TNKS: variants seen among roughly 807,000 people sequenced by gnomAD.
TNKS encodes tankyrase.
A neutral mutation model predicts 135.8 loss-of-function variants in TNKS; 72 were observed. The ratio of observed to expected loss-of-function variants is 0.53; its 90% confidence interval spans 0.44 to 0.64. The LOEUF is 0.64. Among genes scored for constraint, TNKS ranks in the 30% least tolerant of loss-of-function variants. TNKS has a pLI of 0.00. For synonymous variants in TNKS, 849 were observed against 649.3 expected, an observed-to-expected ratio of 1.31 and a Z score of -4.68; for missense variants, 1,769 against 1,674.0, an observed-to-expected ratio of 1.06 and a Z score of -0.99.
At chr8:9,696,402 T>G (rs1170210529) in intron 5 of TNKS, among the ~76,000 whole-genome samples, 1 of 151,980 alleles carries the variant, frequency 6.6e-6, no homozygotes, top group Non-Finnish European at 1.5e-5. Flanking sequence ...TAAGGACTGA[T>G]AAATGACCAC....
At chr8:9,684,492 TTCCAAAA>T (rs1802906045) in intron 5 of TNKS, among the ~76,000 whole-genome samples, 1 of 152,090 alleles carries the variant, frequency 6.6e-6, no homozygotes, top group Non-Finnish European at 1.5e-5. Context: ...CTTTATCCCC[TTCCAAAA>T]TAAATGTCCA....
intron 20 of TNKS, 101 bp downstream of exon 20, chr8:9,752,727 G>A (rs1052600192): frequency 1.3e-6 from 1 of 750,442 alleles, no homozygotes; most frequent in South Asian, 2.1e-5. Context: ...GAATGCTTCG[G>A]CAGGATTGCT....
chr8:9,758,655 C>T (rs1806977383), intron 20 of TNKS, among the ~76,000 whole-genome samples: 4 of 152,206 alleles, frequency 2.6e-5, no homozygotes, highest in Admixed American at 2.0e-4. Flanking sequence ...AACAGGTCTG[C>T]AGTCTCACCT....
chr8:9,649,878 C>CTTTTTTTTTTTTTTTTTTTTTT (rs71201959), intron 3 of TNKS, among the ~76,000 whole-genome samples: 6 of 83,364 alleles, frequency 7.2e-5, no homozygotes, highest in African/African-American at 3.2e-4. Context: ...CTTTTCTTTT[C>CTTTTTTTTTTTTTTTTTTTTTT]TTTTTTTTTT....
At chr8:9,651,029 C>T (rs1363791059) in intron 3 of TNKS, among the ~76,000 whole-genome samples, 1 of 107,132 alleles carries the variant, frequency 9.3e-6, no homozygotes, top group East Asian at 2.9e-4. Context: ...TCATTCTTTA[C>T]ATGTGCCTTG....
At chr8:9,717,103 T>TATATATATATATATATATATATA (rs1554476739) in intron 11 of TNKS, among the ~76,000 whole-genome samples, 8 of 39,312 alleles carry the variant, frequency 2.0e-4, no homozygotes, top group African/African-American at 3.2e-4. Flanking sequence ...ATATATATAT[T>TATATATATATATATATATATATA]TTCAGGGAAT....
chr8:9,658,334 C>G (rs1291193359), intron 3 of TNKS: 1 of 1,004,936 alleles, frequency 1.0e-6, no homozygotes, highest in Non-Finnish European at 1.3e-6. Flanking sequence ...TCCGCTCCTC[C>G]AGCCGCTGCC....
chr8:9,749,858 G>T (rs575028634), intron 18 of TNKS, among the ~76,000 whole-genome samples: 1 of 152,138 alleles, frequency 6.6e-6, no homozygotes, highest in Admixed American at 6.5e-5. Flanking sequence ...CAGCCAAGTG[G>T]CTTTCTCAAC....
intron 2 of TNKS, among the ~76,000 whole-genome samples, chr8:9,591,732 C>G (rs1270472423): frequency 2.0e-5 from 3 of 152,108 alleles, no homozygotes; most frequent in African/African-American, 4.8e-5. Context: ...TTAATGGTAT[C>G]TGTATACAGG....
At chr8:9,673,034 C>T (rs1303390141) in intron 3 of TNKS, among the ~76,000 whole-genome samples, 1 of 151,856 alleles carries the variant, frequency 6.6e-6, no homozygotes, top group Non-Finnish European at 1.5e-5. Flanking sequence ...TTTTAATATC[C>T]AATTTAAAGA....
intron 2 of TNKS, among the ~76,000 whole-genome samples, chr8:9,598,024 A>T (rs777693640): frequency 6.6e-6 from 1 of 152,182 alleles, no homozygotes; most frequent in African/African-American, 2.4e-5. Context: ...TATATTCTTT[A>T]TGTCCTTTAG....
At chr8:9,698,199 T>C (rs1260816045) in intron 5 of TNKS, among the ~76,000 whole-genome samples, 1 of 152,000 alleles carries the variant, frequency 6.6e-6, no homozygotes, top group Non-Finnish European at 1.5e-5. Context: ...GATCTAAACA[T>C]TGAGCACACG....
chr8:9,568,649 A>T (rs11985349), intron 1 of TNKS, among the ~76,000 whole-genome samples: 37,631 of 152,132 alleles, frequency 0.25, 4,858 homozygotes, highest in East Asian at 0.4. Flanking sequence ...TCTGGCTTAA[A>T]AAGAGATAGC....
intron 2 of TNKS, among the ~76,000 whole-genome samples, chr8:9,603,754 A>T (rs1361620572): frequency 6.6e-6 from 1 of 152,218 alleles, no homozygotes; most frequent in Admixed American, 6.5e-5. Flanking sequence ...TCAGTGCTGA[A>T]GATACCATTG....
intron 19 of TNKS, among the ~76,000 whole-genome samples, chr8:9,752,243 T>C (rs140559220): frequency 0.012 from 1,826 of 152,204 alleles, 33 homozygotes; most frequent in African/African-American, 0.04. Context: ...TATACTATAA[T>C]GTTAAAATTA....
chr8:9,748,980 T>C (rs749712599), intron 18 of TNKS, among the ~76,000 whole-genome samples: 2 of 152,138 alleles, frequency 1.3e-5, no homozygotes, highest in African/African-American at 2.4e-5. Context: ...CCATGTGGCA[T>C]CTCATCATTA....
At chr8:9,674,362 CAT>C (rs1279524777) in intron 3 of TNKS, among the ~76,000 whole-genome samples, 4 of 151,832 alleles carry the variant, frequency 2.6e-5, no homozygotes, top group Non-Finnish European at 5.9e-5. Context: ...TTTTATTTCA[CAT>C]GTTTCATGGT....
At chr8:9,571,964 G>T (rs1393594108) in intron 1 of TNKS, among the ~76,000 whole-genome samples, 2 of 152,004 alleles carry the variant, frequency 1.3e-5, no homozygotes, top group Non-Finnish European at 2.9e-5. Context: ...ACTTTATTAG[G>T]GAAGGTCTCT....
chr8:9,556,122 C>T lies in TNKS; in HGVS notation c.183C>T (p.His61=), dbSNP rs1415659839. Residue 61 remains histidine, a synonymous_variant, in exon 1 of 27, where the codon CAC becomes CAT. Coordinates refer to ENST00000310430, the MANE Select transcript of TNKS (RefSeq NM_003747.3). ...SGLAPFASPR[H]GLALPEGDGS... is the part of the protein sequence containing the mutation. ...TGGCCCCCTTCGCCTCCCCGCGGCA[C>T]GGCCTAGCGCTGCCGGAGGGGGATG... is the stretch of plus-strand genomic sequence containing the variant. The T allele has an allele frequency of 1.3e-6, 2 of 1,599,530 alleles. No individual in the cohort carries two copies. The highest frequency in any genetic ancestry group is 1.7e-6 in the Non-Finnish European group (2 of 1,172,722).
Sources: allele counts gnomAD v4.1 joint callset (sites outside exome capture counted in the v4.1 genomes callset), GRCh38; gene constraint gnomAD v4.1.1; transcripts MANE v1.5; gene names NCBI Gene and HGNC (gene_info 2026-07-23, HGNC 2026-07-21).